SRP68: variants seen among roughly 807,000 people sequenced by gnomAD.
SRP68 encodes the protein signal recognition particle 68, also known as signal recognition particle subunit SRP68.
SRP68 carries 15 observed loss-of-function variants against 82.2 expected under a neutral mutation model. That is an observed-to-expected ratio of 0.18 (90% CI 0.12 to 0.28). The LOEUF (loss-of-function observed/expected upper bound fraction) is 0.28. Among genes scored for constraint, SRP68 ranks in the 10% least tolerant of loss-of-function variants. SRP68 has a pLI of 1.00. For synonymous variants in SRP68, 261 were observed against 292.6 expected (o/e 0.89, Z 1.10); for missense variants, 595 against 780.5 (o/e 0.76, Z 2.83).
intron 15 of SRP68, 121 bp from the exon 16 acceptor site, chr17:76,040,054 T>C (rs1221407456): frequency 1.4e-5 from 13 of 949,978 alleles, no homozygotes; most frequent in Non-Finnish European, 2.1e-5. Flanking sequence ...AATCACTCAA[T>C]CCCGACAGCC....
rs1478464430 is a variant in SRP68, at chr17:76,039,837, G to T, written c.1753C>A (p.Pro585Thr). The T allele has an allele frequency of 6.2e-7, 1 of 1,614,134 alleles. No homozygotes were observed. The highest frequency in any genetic ancestry group is 8.5e-7 in the Non-Finnish European group (1 of 1,180,052). The change falls in exon 16 of 16, where the codon CCC becomes ACC. Residue 585 changes from proline to threonine, a missense_variant. Physicochemically the swap from Pro to Thr is conservative, Grantham distance 38. This residue lies in a region of SRP68 where 495 missense variants were observed against 688.6 expected (regional missense o/e 0.72). Coordinates refer to ENST00000307877, the MANE Select transcript of SRP68 (RefSeq NM_014230.4). ...VHFPPGFQPI[P>T]CKPLFFDLAL... The stretch of plus-strand genomic sequence containing the variant: ...AGGTCAAAGAACAAAGGCTTGCAGG[G>T]AATGGGCTGGAAGCCTGGTGGGAAG...
At chr17:76,057,140 G>T (rs541290943) in intron 8 of SRP68, among the ~76,000 whole-genome samples, 1 of 152,296 alleles carries the variant, frequency 6.6e-6, no homozygotes, top group African/African-American at 2.4e-5. Flanking sequence ...CTTACTTTAA[G>T]CCAGCCTCTA....
chr17:76,070,802 A>G (rs1457939700), intron 1 of SRP68, among the ~76,000 whole-genome samples: 1 of 151,890 alleles, frequency 6.6e-6, no homozygotes, highest in African/African-American at 2.4e-5. Flanking sequence ...AGACAGCGCC[A>G]CTGCACTCCA....
At chr17:76,051,899 T>C (rs917493556) in intron 8 of SRP68, among the ~76,000 whole-genome samples, 17 of 152,182 alleles carry the variant, frequency 1.1e-4, no homozygotes, top group Non-Finnish European at 2.2e-4. Context: ...TATTAATTTA[T>C]CTATCTTTTT....
intron 3 of SRP68, among the ~76,000 whole-genome samples, chr17:76,064,650 G>A (rs537245388): frequency 6.6e-6 from 1 of 152,140 alleles, no homozygotes; most frequent in Non-Finnish European, 1.5e-5. Flanking sequence ...AGATCAGCCT[G>A]GCCAACATGG....
At chr17:76,066,551 AC>A (rs2066808071) in intron 3 of SRP68, among the ~76,000 whole-genome samples, 1 of 151,328 alleles carries the variant, frequency 6.6e-6, no homozygotes, top group South Asian at 2.1e-4. Context: ...TAGAAACCTT[AC>A]CTAATAATCA....
At chr17:76,044,232 G>C (rs991475434) in intron 12 of SRP68, among the ~76,000 whole-genome samples, 3 of 152,182 alleles carry the variant, frequency 2.0e-5, no homozygotes, top group Non-Finnish European at 4.4e-5. Flanking sequence ...TTCCCAAAAG[G>C]AGCATGGTGA....
intron 8 of SRP68, among the ~76,000 whole-genome samples, chr17:76,056,353 A>G (rs1018706251): frequency 6.6e-6 from 1 of 152,190 alleles, no homozygotes; most frequent in African/African-American, 2.4e-5. Flanking sequence ...TAACCCAATC[A>G]CATAATCTGA....
rs752117551 is a variant in SRP68, at chr17:76,050,502, G to A, written c.1003C>T (p.Arg335Cys). 5.0e-6 allele frequency: 8 copies of A among 1,613,266 alleles called. No homozygotes were observed. The highest frequency in any genetic ancestry group is 2.7e-5 in the African/African-American group (2 of 74,754). Reference protein sequence around the residue: ...VQAESEETKERLFESMLSECR... With the variant: ...VQAESEETKECLFESMLSECR... ...TCGCTGAGCATTGATTCAAACAGGC[G>A]CTCCTTAGTTTCTTCGCTTTCAGCC... The change falls in exon 9 of 16, where the codon CGC (arginine) becomes TGC (cysteine). Residue 335 changes from arginine (R) to cysteine (C), a missense_variant. Physicochemically the swap from Arg to Cys is radical, Grantham distance 180. Around this residue, in one of 2 missense-constraint regions of SRP68, gnomAD observed 495 missense variants for 688.6 expected, o/e 0.72. Transcript: ENST00000307877.
chr17:76,044,276 C>T (rs189921562), intron 12 of SRP68, among the ~76,000 whole-genome samples: 92 of 152,238 alleles, frequency 6.0e-4, no homozygotes, highest in African/African-American at 1.0e-3. Flanking sequence ...GAACGCTGCC[C>T]GGCTCAAATA....
Position 76,071,784 on chromosome 17 carries a change from C to A in SRP68, c.184+524G>T, listed in dbSNP as rs533362801. Among the ~76,000 whole-genome samples, 2 of 152,222 alleles carry A rather than the reference C, an allele frequency of 1.3e-5. No homozygotes were observed. The highest frequency in any genetic ancestry group is 4.1e-4 in the South Asian group (2 of 4,830). On this transcript the variant is annotated intron_variant, in intron 1 of 15. Transcript: ENST00000307877. The surrounding 1 kb of genome is among the most constrained non-coding windows in gnomAD (Gnocchi z 4.7). ...CAAGATAAAATGCCTACAGACCGATCAGAAAAAAATGACACAATCGATATT... is the reference window on the plus strand; with the variant it reads ...CAAGATAAAATGCCTACAGACCGATAAGAAAAAAATGACACAATCGATATT...
intron 11 of SRP68, 120 bp downstream of exon 11, chr17:76,045,918 C>T (rs1285287990): frequency 1.6e-6 from 2 of 1,249,068 alleles, no homozygotes; most frequent in Admixed American, 3.8e-5. Flanking sequence ...TTGTCTCTTC[C>T]CAGCTACTAA....
intron 11 of SRP68, 107 bp downstream of exon 11, chr17:76,045,931 G>A: frequency 7.3e-7 from 1 of 1,375,236 alleles, no homozygotes; most frequent in East Asian, 2.3e-5. Flanking sequence ...GCTACTAATA[G>A]GTCCTGCTTG....
chr17:76,041,289 A>G, intron 13 of SRP68: 1 of 201,276 alleles, frequency 5.0e-6, no homozygotes, highest in South Asian at 1.1e-4. Flanking sequence ...AACCTTCTCA[A>G]TAATCCTGAG....
chr17:76,061,406 C>A, intron 5 of SRP68, 86 bp downstream of exon 5: 1 of 1,259,946 alleles, frequency 7.9e-7, no homozygotes, highest in Non-Finnish European at 1.1e-6. Context: ...CTCACTTTCA[C>A]AGAAACAATC....
At chr17:76,061,778 A>G in intron 4 of SRP68, 1 of 370,774 alleles carries the variant, frequency 2.7e-6, no homozygotes, top group Non-Finnish European at 4.9e-6. Flanking sequence ...AGGGCAATAT[A>G]GCAAGACCCT....
Position 76,063,962 on chromosome 17 carries a change from GT to G in SRP68, c.561+13del, listed in dbSNP as rs777009371. 1 of 1,602,274 alleles carries G rather than the reference GT, an allele frequency of 6.2e-7. No individual in the cohort carries two copies. The highest frequency in any genetic ancestry group is 1.3e-5 in the African/African-American group (1 of 74,460). The stretch of plus-strand genomic sequence containing the variant: ...AATCTCCACAATAAACAAGCTGAAT[GT>G]TGAGGTACTAACCTGAGCCTCTAAT... On this transcript the variant is annotated intron_variant, in intron 4 of 15. Transcript: ENST00000307877.
In SRP68 at chr17:76,072,387, C is replaced by T. The variant is rs2066860342; in HGVS notation, c.105G>A (p.Gly35=). Residue 35 remains glycine, a synonymous_variant, in exon 1 of 16, where the codon GGG becomes GGA. Coordinates refer to ENST00000307877, the MANE Select transcript of SRP68 (RefSeq NM_014230.4). This position sits in a 1 kb window ranked among gnomAD's most constrained non-coding sequence, Gnocchi z 4.5. The part of the protein sequence containing the change: ...GGSGGGRGAG[G]EENKENERPS... ...GGCGTTCGTTTTCTTTATTTTCTTC[C>T]CCTCCGGCACCACGTCCACCGCCGC... 2 of 1,609,434 alleles carry T rather than the reference C, an allele frequency of 1.2e-6. No individual in the cohort carries two copies. Among genetic ancestry groups the T allele is most frequent in the Non-Finnish European group, 1.7e-6 (2 of 1,179,698 alleles).
In SRP68 at chr17:76,060,398, A is replaced by G. The variant is rs776353495; in HGVS notation, c.755-8T>C. On this transcript the variant is annotated splice_polypyrimidine_tract_variant and splice_region_variant and intron_variant, in intron 6 of 15. Coordinates refer to ENST00000307877, the MANE Select transcript of SRP68 (RefSeq NM_014230.4). The stretch of plus-strand genomic sequence containing the variant: ...TGATGGCTGACTGGTCCCCTAAGAG[A>G]GAAAGACAGGAAAATCTTCAAGGGT... The G allele has an allele frequency of 1.9e-6, 3 of 1,609,146 alleles. No homozygotes were observed. The highest frequency in any genetic ancestry group is 1.7e-6 in the Non-Finnish European group (2 of 1,176,790).
Sources: allele counts gnomAD v4.1 joint callset (sites outside exome capture counted in the v4.1 genomes callset), GRCh38; gene constraint gnomAD v4.1.1; regional missense constraint gnomAD v4.1.1; non-coding constraint Gnocchi (gnomAD v3.1); transcripts MANE v1.5; gene names NCBI Gene and HGNC (gene_info 2026-07-23, HGNC 2026-07-21).